DZIP1L: variants seen among roughly 807,000 people sequenced by gnomAD.
The protein encoded by DZIP1L is DAZ interacting zinc finger protein 1 like.
A neutral mutation model predicts 88.7 loss-of-function variants in DZIP1L; 90 were observed. The observed-to-expected ratio is 1.02, with a 90% CI of 0.86 to 1.21. The LOEUF (loss-of-function observed/expected upper bound fraction) is 1.21. DZIP1L is among the 50% of genes most tolerant of loss of function. The probability of loss-of-function intolerance (pLI) is 0.00; values close to 1 mark genes in which losing one functional copy is unlikely to be tolerated. For missense variants in DZIP1L, 932 were observed against 955.8 expected, an observed-to-expected ratio of 0.98 and a Z score of 0.33; for synonymous variants, 363 against 372.1, an observed-to-expected ratio of 0.98 and a Z score of 0.28.
chr3:138,083,774 G>A (rs917219622), intron 8 of DZIP1L, among the ~76,000 whole-genome samples: 2 of 152,208 alleles, frequency 1.3e-5, no homozygotes, highest in Non-Finnish European at 2.9e-5. Context: ...GTCGAATGAA[G>A]ATGGGGAGAA....
intron 12 of DZIP1L, chr3:138,068,838 G>T: frequency 9.0e-7 from 1 of 1,116,542 alleles, no homozygotes; most frequent in Non-Finnish European, 1.1e-6. Flanking sequence ...GGGCAAGGCA[G>T]TACCAAGGCA....
At chr3:138,076,636 T>C (rs1943422088) in intron 11 of DZIP1L, among the ~76,000 whole-genome samples, 1 of 152,218 alleles carries the variant, frequency 6.6e-6, no homozygotes, top group Admixed American at 6.5e-5. Context: ...TGGAGACTAT[T>C]ATTCTAAGTG....
chr3:138,064,560 G>C (rs1228060071), intron 15 of DZIP1L, 68 bp downstream of exon 15: 1 of 1,613,428 alleles, frequency 6.2e-7, no homozygotes, highest in Non-Finnish European at 8.5e-7. Context: ...CTTCACCCCA[G>C]GCCCCCCAAA....
At chr3:138,101,659 G>C in intron 2 of DZIP1L, 1 of 795,830 alleles carries the variant, frequency 1.3e-6, no homozygotes, top group Admixed American at 1.7e-5. Flanking sequence ...CCCATAGGCC[G>C]AGCTCAGACC....
chr3:138,097,376 C>T (rs994379916), intron 3 of DZIP1L, among the ~76,000 whole-genome samples: 4 of 152,128 alleles, frequency 2.6e-5, no homozygotes, highest in African/African-American at 7.2e-5. Context: ...TAGGCTTATT[C>T]GTGGCTGGCA....
intron 2 of DZIP1L, chr3:138,102,549 C>T: frequency 1.4e-6 from 2 of 1,400,012 alleles, no homozygotes; most frequent in Non-Finnish European, 2.0e-6. Context: ...GCAGGAGGCT[C>T]CAGTTGGTCT....
At chr3:138,064,897 A>G in intron 14 of DZIP1L, 130 bp from the exon 15 acceptor site, 3 of 1,345,790 alleles carry the variant, frequency 2.2e-6, no homozygotes, top group South Asian at 1.5e-5. Context: ...AAGAAGGCTG[A>G]GCAACCACAA....
rs200970340 is a variant in DZIP1L, at chr3:138,103,913, G to A, written c.59C>T (p.Thr20Met). 8.2e-5 allele frequency: 133 copies of A among 1,613,704 alleles called. No homozygotes were observed. Among genetic ancestry groups the A allele is most frequent in the South Asian group, 3.8e-4 (35 of 91,092 alleles). Residue 20 changes from threonine (T) to methionine (M), a missense_variant, in exon 2 of 16, where the codon ACG becomes ATG. Physicochemically the swap from Thr to Met is moderately conservative, Grantham distance 81 (BLOSUM62 -1). Coordinates refer to ENST00000327532, the MANE Select transcript of DZIP1L (RefSeq NM_173543.3). ...AGGCTGAAACTTGAAGGTGGGGAAC[G>A]TGTAGGCCCCAAAGAGGGGGCCACT... Reference protein sequence around the residue: ...GLSGPLFGAYTFPTFKFQPRH... With the variant: ...GLSGPLFGAYMFPTFKFQPRH...
chr3:138,070,600 ATT>A, intron 12 of DZIP1L, among the ~76,000 whole-genome samples: 1 of 152,318 alleles, frequency 6.6e-6, no homozygotes, highest in Admixed American at 6.5e-5. Context: ...TTTTCTTCTA[ATT>A]CACATGAGGA....
chr3:138,098,555 T>A (rs951021118), intron 2 of DZIP1L, among the ~76,000 whole-genome samples: 1 of 152,180 alleles, frequency 6.6e-6, no homozygotes, highest in African/African-American at 2.4e-5. Flanking sequence ...GAGGCTGCCA[T>A]TGTTAGTTAA....
At position 138,081,658 on chromosome 3, in the gene DZIP1L, G is replaced by A. The variant is rs370386002; in HGVS notation, c.1234+76C>T. 6.1e-6 allele frequency: 9 copies of A among 1,466,164 alleles called. No individual in the cohort carries two copies. The African/African-American group carries it at 8.5e-5, about 14-fold the overall frequency. 90.8% of individuals were successfully genotyped at this position (1,466,164 alleles called of 1,614,324 possible). A position where few individuals can be genotyped will look rare whatever the true frequency, so the allele number is the denominator to read the frequency against. ...AATCCACCACCCATGAATTGACTGG[G>A]GGAGAGGGAAAAGGAGGGAGAAAAG... On this transcript the variant is annotated intron_variant, in intron 9 of 15. Transcript: ENST00000327532.
chr3:138,064,080 T>C (rs971120340), intron 15 of DZIP1L, among the ~76,000 whole-genome samples: 1 of 152,124 alleles, frequency 6.6e-6, no homozygotes, highest in African/African-American at 2.4e-5. Flanking sequence ...ACATCTGAGC[T>C]CTAAGTCTGA....
chr3:138,078,797 A>AT lies in DZIP1L; in HGVS notation c.1289-1166dup, dbSNP rs1488866725. ...GCCTCAACCTTGTCTGCACATTGGA[A>AT]TCACCTGCGGAGCTTTAAATGCTAC... On this transcript the variant is annotated intron_variant, in intron 10 of 15. Coordinates refer to ENST00000327532, the MANE Select transcript of DZIP1L (RefSeq NM_173543.3). 2.0e-5 allele frequency among the ~76,000 whole-genome samples: 3 copies of AT among 152,196 alleles called. No individual in the cohort carries two copies. The East Asian group carries it at 5.8e-4, about 29-fold the overall frequency.
rs1942777747 is a variant in DZIP1L, at chr3:138,063,709, T to A, written c.2143-732A>T. 6.6e-6 allele frequency among the ~76,000 whole-genome samples: 1 copy of A among 152,212 alleles called. No homozygotes were observed. Among genetic ancestry groups the A allele is most frequent in the Admixed American group, 6.5e-5 (1 of 15,282 alleles). ...AAGCATGCTCTGAGCGGCGCCTCAA[T>A]CTGTTTGGGGCTGTTGGTGCTCTTT... On this transcript the variant is annotated intron_variant, in intron 15 of 15. Transcript: ENST00000327532. The surrounding 1 kb of genome is among the most constrained non-coding windows in gnomAD (Gnocchi z 4.1).
chr3:138,082,774 C>A (rs990111203), intron 8 of DZIP1L, among the ~76,000 whole-genome samples: 4 of 152,238 alleles, frequency 2.6e-5, no homozygotes, highest in Non-Finnish European at 4.4e-5. Context: ...ACTTTCCCAG[C>A]CTTTTTTGCA....
intron 4 of DZIP1L, among the ~76,000 whole-genome samples, chr3:138,094,038 C>G (rs1056688644): frequency 6.6e-6 from 1 of 152,200 alleles, no homozygotes; most frequent in African/African-American, 2.4e-5. Context: ...TTCGACATGC[C>G]TTCATCACTA....
At chr3:138,081,954 G>T in intron 8 of DZIP1L, 190 bp from the exon 9 acceptor site, 1 of 476,886 alleles carries the variant, frequency 2.1e-6, no homozygotes, top group Non-Finnish European at 3.7e-6. Context: ...GTGTGTGAAA[G>T]GGAATGGCAG....
intron 5 of DZIP1L, 163 bp downstream of exon 5, chr3:138,092,220 A>G (rs909206806): frequency 7.1e-6 from 5 of 707,722 alleles, no homozygotes; most frequent in Non-Finnish European, 8.4e-6. Context: ...TTCAACCCCA[A>G]GGCGTCTGAA....
At chr3:138,077,962 C>T (rs1313014147) in intron 10 of DZIP1L, among the ~76,000 whole-genome samples, 7 of 152,162 alleles carry the variant, frequency 4.6e-5, no homozygotes, top group Non-Finnish European at 8.8e-5. Flanking sequence ...CTGTCTAAAC[C>T]GGAGATTCTC....
Sources: gnomAD v4.1 joint callset for allele counts (sites outside exome capture counted in the v4.1 genomes callset) on GRCh38, gnomAD v4.1.1 for gene constraint, Gnocchi (gnomAD v3.1) non-coding constraint, MANE v1.5 for transcripts, NCBI Gene and HGNC (gene_info 2026-07-23, HGNC 2026-07-21) for gene names.